Variants in ARFGEF1 observed in about 807,000 individuals in gnomAD.
ARFGEF1 encodes the protein brefeldin A-inhibited guanine nucleotide-exchange protein 1.
ARFGEF1 carries 42 observed loss-of-function variants against 231.0 expected under a neutral mutation model. The observed-to-expected ratio is 0.18, with a 90% CI of 0.14 to 0.24. The LOEUF (loss-of-function observed/expected upper bound fraction) is 0.24. Among genes scored for constraint, ARFGEF1 ranks in the 10% least tolerant of loss-of-function variants. The pLI is 1.00. For synonymous variants in ARFGEF1, 710 were observed against 732.3 expected, an observed-to-expected ratio of 0.97 and a Z score of 0.49; for missense variants, 1,345 against 2,192.0, an observed-to-expected ratio of 0.61 and a Z score of 7.72.
chr8:67,338,042 A>G lies in ARFGEF1; in HGVS notation c.124+5122T>C, dbSNP rs113212725. ...TTATGTGAGGAATATTATGACAAAT[A>G]TTTCCCCAAATTATTTCCCATTCAC... On this transcript the variant is annotated intron_variant, in intron 1 of 38. Coordinates refer to ENST00000262215, the MANE Select transcript of ARFGEF1 (RefSeq NM_006421.5). Among the ~76,000 whole-genome samples, 300 of 152,278 alleles carry G rather than the reference A, an allele frequency of 2.0e-3. 4 individuals are homozygous for G. Among genetic ancestry groups the G allele is most frequent in the African/African-American group, 6.9e-3 (285 of 41,562 alleles).
chr8:67,199,468 TG>T (rs1295224419), intron 38 of ARFGEF1: 1 of 191,914 alleles, frequency 5.2e-6, no homozygotes, highest in Non-Finnish European at 1.0e-5. Context: ...TTTTAAGTTT[TG>T]GGGAAAATTC....
At chr8:67,202,822 C>A (rs1434492852) in intron 36 of ARFGEF1, among the ~76,000 whole-genome samples, 2 of 152,062 alleles carry the variant, frequency 1.3e-5, no homozygotes, top group African/African-American at 4.8e-5. Context: ...ACAAGAAGGT[C>A]CAGGTTGGGT....
intron 9 of ARFGEF1, among the ~76,000 whole-genome samples, chr8:67,273,362 A>G (rs1287529669): frequency 6.7e-6 from 1 of 149,336 alleles, no homozygotes; most frequent in Non-Finnish European, 1.5e-5. Flanking sequence ...AACCCAGGCA[A>G]CATTTCAAAT....
chr8:67,284,962 A>C (rs573839462), intron 7 of ARFGEF1, among the ~76,000 whole-genome samples: 4 of 152,304 alleles, frequency 2.6e-5, no homozygotes, highest in African/African-American at 7.2e-5. Flanking sequence ...AGACTAACAG[A>C]ATCACATCAA....
chr8:67,209,422 A>G (rs535089699), intron 34 of ARFGEF1, among the ~76,000 whole-genome samples: 4 of 151,790 alleles, frequency 2.6e-5, no homozygotes, highest in Admixed American at 2.6e-4. Flanking sequence ...GCTGGGGAAG[A>G]GGAGAAGAAG....
chr8:67,287,829 G>A, intron 7 of ARFGEF1, 126 bp downstream of exon 7: 1 of 549,284 alleles, frequency 1.8e-6, no homozygotes, highest in Non-Finnish European at 2.9e-6. Context: ...TGTGGAATTT[G>A]TAACTTTCCA....
chr8:67,193,447 C>A, downstream of ARFGEF1: 1 of 1,605,438 alleles, frequency 6.2e-7, no homozygotes, highest in Non-Finnish European at 8.5e-7. Context: ...TTCTGAAGTT[C>A]TGTTTTCTAA....
chr8:67,273,690 T>C (rs942941305), intron 9 of ARFGEF1, among the ~76,000 whole-genome samples: 2 of 152,154 alleles, frequency 1.3e-5, no homozygotes, highest in Admixed American at 6.5e-5. Context: ...AGATGGCCAT[T>C]GTGCTGAGTC....
At chr8:67,272,086 A>T (rs1805119712) in intron 9 of ARFGEF1, 150 bp from the exon 10 acceptor site, 2 of 597,854 alleles carry the variant, frequency 3.3e-6, no homozygotes, top group Non-Finnish European at 5.8e-6. Flanking sequence ...ACATAAAAAA[A>T]GTACAGTACA....
intron 4 of ARFGEF1, among the ~76,000 whole-genome samples, chr8:67,298,253 A>T (rs1171563777): frequency 6.6e-6 from 1 of 152,226 alleles, no homozygotes; most frequent in African/African-American, 2.4e-5. Context: ...TGTACTATAT[A>T]TAGCACATGA....
chr8:67,294,154 G>GA (rs1192662129), intron 5 of ARFGEF1, among the ~76,000 whole-genome samples: 1 of 152,064 alleles, frequency 6.6e-6, no homozygotes, highest in Non-Finnish European at 1.5e-5. Flanking sequence ...ATGTAGAGAT[G>GA]ATTTAAAGTA....
downstream of ARFGEF1, among the ~76,000 whole-genome samples, chr8:67,194,351 G>GTTAA (rs1432169032): frequency 6.6e-6 from 1 of 152,148 alleles, no homozygotes; most frequent in African/African-American, 2.4e-5. Context: ...TTAATACTGT[G>GTTAA]TTAATTTAAA....
intron 1 of ARFGEF1, among the ~76,000 whole-genome samples, chr8:67,309,614 T>C (rs1024642428): frequency 2.0e-5 from 3 of 152,230 alleles, no homozygotes; most frequent in Non-Finnish European, 2.9e-5. Context: ...GTGTAACCTC[T>C]ACTTAGATTC....
downstream of ARFGEF1, among the ~76,000 whole-genome samples, chr8:67,194,800 G>C (rs997155364): frequency 1.3e-5 from 2 of 151,808 alleles, no homozygotes; most frequent in African/African-American, 4.8e-5. Context: ...CAATCAATCA[G>C]ATTCAATTAA....
chr8:67,256,415 C>A (rs892942447), intron 17 of ARFGEF1, among the ~76,000 whole-genome samples: 1 of 151,988 alleles, frequency 6.6e-6, no homozygotes, highest in Non-Finnish European at 1.5e-5. Context: ...TGTATATAAT[C>A]GTATATATTC....
At chr8:67,226,392 T>C (rs1303371452) in intron 27 of ARFGEF1, among the ~76,000 whole-genome samples, 1 of 152,094 alleles carries the variant, frequency 6.6e-6, no homozygotes, top group Non-Finnish European at 1.5e-5. Flanking sequence ...TTTGTTTACA[T>C]TATAAACATA....
chr8:67,228,891 T>C (rs539641503), intron 23 of ARFGEF1, among the ~76,000 whole-genome samples: 1 of 152,156 alleles, frequency 6.6e-6, no homozygotes, highest in East Asian at 1.9e-4. Context: ...ATAAACACAT[T>C]AGTCCTCCTT....
intron 6 of ARFGEF1, among the ~76,000 whole-genome samples, chr8:67,288,657 C>G (rs60451226): frequency 6.6e-6 from 1 of 151,946 alleles, no homozygotes; most frequent in African/African-American, 2.4e-5. Flanking sequence ...TGCTTGAACT[C>G]GGGAGGTAGA....
chr8:67,322,661 C>T (rs1807650993), intron 1 of ARFGEF1, among the ~76,000 whole-genome samples: 1 of 152,194 alleles, frequency 6.6e-6, no homozygotes, highest in South Asian at 2.1e-4. Flanking sequence ...GTTATGACTG[C>T]ACTGCTGCTC....
Sources: gnomAD v4.1 joint callset for allele counts (sites outside exome capture counted in the v4.1 genomes callset) on GRCh38, gnomAD v4.1.1 for gene constraint, MANE v1.5 for transcripts, NCBI Gene and HGNC (gene_info 2026-07-23, HGNC 2026-07-21) for gene names.